NRG2: variants seen among roughly 807,000 people sequenced by gnomAD.
NRG2 encodes pro-neuregulin-2, membrane-bound isoform.
Under a neutral mutation model 73.9 loss-of-function variants are expected in NRG2, and 27 were observed. The ratio of observed to expected loss-of-function variants is 0.37; its 90% CI spans 0.27 to 0.50. NRG2 has a LOEUF of 0.50. NRG2 is among the 20% of genes least tolerant of loss of function. The pLI, the probability that NRG2 is intolerant of heterozygous loss-of-function variation, is 0.96. For missense variants in NRG2, 1,126 were observed against 1,210.1 expected (o/e 0.93, Z 1.03); for synonymous variants, 532 against 541.0 (o/e 0.98, Z 0.23).
At chr5:139,940,160 A>G (rs1399798273) in intron 1 of NRG2, among the ~76,000 whole-genome samples, 1 of 152,248 alleles carries the variant, frequency 6.6e-6, no homozygotes, top group Admixed American at 6.5e-5. Context: ...AAATGTTCAT[A>G]GAAGTTTTAA....
chr5:139,953,780 G>GC (rs1342308376), intron 1 of NRG2, among the ~76,000 whole-genome samples: 1 of 152,204 alleles, frequency 6.6e-6, no homozygotes, highest in African/African-American at 2.4e-5. Context: ...GACAGAGTAA[G>GC]CAAGACTGAA....
intron 1 of NRG2, among the ~76,000 whole-genome samples, chr5:140,019,803 C>T (rs184247468): frequency 6.7e-4 from 102 of 152,272 alleles, no homozygotes; most frequent in African/African-American, 2.4e-3. Flanking sequence ...TTTCTTACCC[C>T]TCTTTGGGGC....
At chr5:139,927,247 G>T (rs530053898) in intron 1 of NRG2, among the ~76,000 whole-genome samples, 1 of 152,336 alleles carries the variant, frequency 6.6e-6, no homozygotes, top group East Asian at 1.9e-4. Context: ...TACTGGGAGT[G>T]TGTGCAAGTG....
intron 5 of NRG2, among the ~76,000 whole-genome samples, chr5:139,861,177 C>T (rs1455334216): frequency 3.3e-5 from 5 of 152,200 alleles, no homozygotes; most frequent in South Asian, 2.1e-4. Context: ...CAAGCCTGGA[C>T]GGCATGAGCT....
Position 140,042,822 on chromosome 5 carries a change from G to C in NRG2, c.248C>G (p.Ala83Gly). ...PRSPAARRAA[A>G]RSRAAAAGGM... The stretch of plus-strand genomic sequence containing the variant: ...GCCGGCGGCTGCGGCTCGCGAACGG[G>C]CGGCGGCTCTCCGGGCTGCGGGGCT... The change falls in exon 1 of 10, where the codon GCC becomes GGC. Residue 83 changes from alanine to glycine, a missense_variant. By Grantham distance (60) the Ala-to-Gly change is moderately conservative. Around this residue, in one of 3 missense-constraint regions of NRG2, gnomAD observed 185 missense variants for 149.0 expected, o/e 1.24. Transcript: ENST00000361474. 6.7e-7 allele frequency: 1 copy of C among 1,496,618 alleles called. No homozygotes were observed. The highest frequency in any genetic ancestry group is 2.7e-5 in the East Asian group (1 of 37,054). 92.7% of individuals were successfully genotyped at this position (1,496,618 alleles called of 1,614,324 possible).
chr5:140,023,153 C>T (rs1760378097), intron 1 of NRG2, among the ~76,000 whole-genome samples: 2 of 152,198 alleles, frequency 1.3e-5, no homozygotes, highest in South Asian at 4.1e-4. Context: ...ATCCCTGCTC[C>T]AATACCTACA....
intron 1 of NRG2, among the ~76,000 whole-genome samples, chr5:139,952,105 C>A (rs1432270819): frequency 6.6e-6 from 1 of 152,226 alleles, no homozygotes; most frequent in African/African-American, 2.4e-5. Flanking sequence ...ATAATATCTA[C>A]TTTGCAGAAT....
At position 139,848,198 on chromosome 5, in the gene NRG2, C is replaced by T. The variant is rs1473330235; in HGVS notation, c.2272G>A (p.Ala758Thr). 2 of 1,318,548 alleles carry T rather than the reference C, an allele frequency of 1.5e-6. No homozygotes were observed. Among genetic ancestry groups the T allele is most frequent in the African/African-American group, 1.6e-5 (1 of 64,068 alleles). 81.7% of individuals were successfully genotyped at this position (1,318,548 alleles called of 1,614,324 possible). A position where few individuals can be genotyped will look rare whatever the true frequency, so the allele number is the denominator to read the frequency against. Reference sequence around the variant, plus strand: ...CTCAGCGACAGCGAGTCCCTCGCCGCCCGTGCGCGCTGCGCCGCCAGCCCG... The same window carrying T: ...CTCAGCGACAGCGAGTCCCTCGCCGTCCGTGCGCGCTGCGCCGCCAGCCCG... ...LNGLAAQRAR[A>T]ARDSLSLSSG... The change falls in exon 10 of 10, where the codon GCG (alanine) becomes ACG (threonine). Residue 758 changes from alanine (A) to threonine (T), a missense_variant. Ala to Thr is a moderately conservative substitution (Grantham distance 58). Transcript: ENST00000361474.
rs1053996283 is a variant in NRG2, at chr5:139,848,222, C to T, written c.2248G>A (p.Gly750Arg). ...PRRWRRSRLN[G>R]LAAQRARAAR... ...GCCCGTGCGCGCTGCGCCGCCAGCCCGTTGAGGCGCGAGCGGCGCCAGCGC... is the reference window on the plus strand; with the variant it reads ...GCCCGTGCGCGCTGCGCCGCCAGCCTGTTGAGGCGCGAGCGGCGCCAGCGC... The change falls in exon 10 of 10, where the codon GGG becomes AGG. Residue 750 changes from glycine to arginine, a missense_variant. Around this residue, in one of 3 missense-constraint regions of NRG2, gnomAD observed 402 missense variants for 357.8 expected, o/e 1.12. Transcript: ENST00000361474. The T allele has an allele frequency of 2.5e-6, 3 of 1,193,356 alleles. No homozygotes were observed. The highest frequency in any genetic ancestry group is 3.2e-5 in the African/African-American group (2 of 62,118). The allele number at this position is 1,193,356 out of a possible 1,614,324, so 73.9% of individuals were successfully genotyped here.
chr5:139,930,658 C>T (rs961894932), intron 1 of NRG2, among the ~76,000 whole-genome samples: 8 of 152,200 alleles, frequency 5.3e-5, no homozygotes, highest in African/African-American at 1.9e-4. Context: ...TATTCCAACT[C>T]ATGGCTCCAC....
In NRG2 at chr5:139,930,440, G is replaced by A. The variant is rs187416356; in HGVS notation, c.701-42929C>T. ...TTTAGGCAGGTGTAAGGTATGCTTG[G>A]AAAAGGATTCAACAAAGAGGACCAC... On this transcript the variant is annotated intron_variant, in intron 1 of 9. Transcript: ENST00000361474. 3.9e-4 allele frequency among the ~76,000 whole-genome samples: 60 copies of A among 152,280 alleles called. 2 individuals are homozygous for A. In the East Asian group the frequency reaches 9.1e-3, roughly 23 times the overall value.
chr5:140,000,349 C>T (rs1053798396), intron 1 of NRG2, among the ~76,000 whole-genome samples: 3 of 152,336 alleles, frequency 2.0e-5, no homozygotes, highest in Admixed American at 2.0e-4. Context: ...CTCCCTTCCT[C>T]GAGCTTTTGC....
At chr5:140,000,280 T>C (rs1758335770) in intron 1 of NRG2, among the ~76,000 whole-genome samples, 1 of 152,244 alleles carries the variant, frequency 6.6e-6, no homozygotes, top group Admixed American at 6.5e-5. Flanking sequence ...AGCACAGAAC[T>C]GCGAGTCAAT....
At chr5:140,018,542 G>C (rs1759974189) in intron 1 of NRG2, among the ~76,000 whole-genome samples, 1 of 152,166 alleles carries the variant, frequency 6.6e-6, no homozygotes, top group South Asian at 2.1e-4. Flanking sequence ...AGCTTCCAAA[G>C]CCTGGAATCG....
chr5:139,996,434 T>A (rs1758019548), intron 1 of NRG2, among the ~76,000 whole-genome samples: 1 of 152,226 alleles, frequency 6.6e-6, no homozygotes, highest in South Asian at 2.1e-4. Context: ...AATACTATAA[T>A]GAACATCTAG....
chr5:139,956,328 C>T (rs1754623431), intron 1 of NRG2, among the ~76,000 whole-genome samples: 1 of 151,820 alleles, frequency 6.6e-6, no homozygotes, highest in South Asian at 2.1e-4. Flanking sequence ...CCCCCAGAAA[C>T]CTTCCCTGAC....
At chr5:139,983,735 A>G (rs531581270) in intron 1 of NRG2, among the ~76,000 whole-genome samples, 2 of 152,346 alleles carry the variant, frequency 1.3e-5, no homozygotes, top group South Asian at 4.1e-4. Context: ...CCGAGAAATA[A>G]TGGGACTTGC....
At chr5:139,957,284 A>C (rs1351777357) in intron 1 of NRG2, among the ~76,000 whole-genome samples, 1 of 150,206 alleles carries the variant, frequency 6.7e-6, no homozygotes, top group Non-Finnish European at 1.5e-5. Context: ...CTAGCTGGTC[A>C]CCATCCCCCC....
chr5:139,852,365 A>C lies in NRG2; in HGVS notation c.1544+67T>G. On this transcript the variant is annotated intron_variant, in intron 8 of 9. Transcript: ENST00000361474. The surrounding 1 kb of genome is among the most constrained non-coding windows in gnomAD (Gnocchi z 4.4). ...TTGAATAGCTCTGGATGTCGGAGTA[A>C]GTGGGCACTTTGCGCCAGATGAAGT... The C allele has an allele frequency of 5.7e-6, 9 of 1,573,242 alleles. No individual in the cohort carries two copies. The highest frequency in any genetic ancestry group is 1.4e-5 in the African/African-American group (1 of 73,942).
Sources: gnomAD v4.1 joint callset for allele counts (sites outside exome capture counted in the v4.1 genomes callset) on GRCh38, gnomAD v4.1.1 for gene constraint, gnomAD v4.1.1 regional missense constraint, Gnocchi (gnomAD v3.1) non-coding constraint, MANE v1.5 for transcripts, NCBI Gene and HGNC (gene_info 2026-07-23, HGNC 2026-07-21) for gene names.